Variants in IL18R1 observed in about 807,000 individuals in gnomAD.
IL18R1 encodes interleukin 18 receptor 1, also known as interleukin-18 receptor 1.
IL18R1 carries 40 observed loss-of-function variants against 48.5 expected under a neutral mutation model. The ratio of observed to expected loss-of-function variants is 0.82; its 90% CI spans 0.64 to 1.07. The LOEUF is 1.07. Among genes scored for constraint, IL18R1 ranks in the 50% least tolerant of loss-of-function variants. IL18R1 has a pLI of 0.00. For synonymous variants in IL18R1, 232 were observed against 225.9 expected, an observed-to-expected ratio of 1.03 and a Z score of -0.24; for missense variants, 596 against 633.7, an observed-to-expected ratio of 0.94 and a Z score of 0.64.
At chr2:102,377,074 C>T (rs1023553869) in intron 5 of IL18R1, among the ~76,000 whole-genome samples, 15 of 152,196 alleles carry the variant, frequency 9.9e-5, no homozygotes, top group African/African-American at 2.2e-4. Context: ...TCCTGAGAAA[C>T]TGGAAACTGT....
intron 10 of IL18R1, 119 bp downstream of exon 10, chr2:102,394,746 G>A: frequency 1.3e-6 from 1 of 781,940 alleles, no homozygotes; most frequent in South Asian, 2.5e-5. Context: ...GGTCCTTTAA[G>A]CAAGAAATAA....
chr2:102,392,254 C>T (rs12712146), intron 9 of IL18R1, among the ~76,000 whole-genome samples: 81,110 of 151,824 alleles, frequency 0.53, 23,498 homozygotes, highest in African/African-American at 0.73. Context: ...TGTGCATGTG[C>T]GAGTTTGCTA....
intron 7 of IL18R1, among the ~76,000 whole-genome samples, 174 bp downstream of exon 7, chr2:102,385,172 T>C (rs929906738): frequency 1.3e-5 from 2 of 152,170 alleles, no homozygotes; most frequent in Non-Finnish European, 2.9e-5. Context: ...GTGGACGCAT[T>C]ATGCAGAAAT....
At chr2:102,388,544 G>A (rs879436357) in intron 8 of IL18R1, among the ~76,000 whole-genome samples, 2 of 152,078 alleles carry the variant, frequency 1.3e-5, no homozygotes, top group East Asian at 3.9e-4. Flanking sequence ...GGCTTTCCTG[G>A]GGCCTGCTCA....
Position 102,390,059 on chromosome 2 carries a change from A to T in IL18R1, c.953A>T (p.Asp318Val). 2 of 1,613,932 alleles carry T rather than the reference A, an allele frequency of 1.2e-6. No individual in the cohort carries two copies. Among genetic ancestry groups the T allele is most frequent in the Non-Finnish European group, 8.5e-7 (1 of 1,179,928 alleles). The change falls in exon 9 of 11, where the codon GAC becomes GTC. Residue 318 changes from aspartate (D) to valine (V), a missense_variant. Asp to Val is a radical substitution (Grantham distance 152). Transcript: ENST00000233957. ...CCTTTTTCCCTTTCTTTTCTAGCAG[A>T]CATGGCTGATATCCCAGGCCACGTC... is the stretch of plus-strand genomic sequence containing the variant. ...TKSFILVRKA[D>V]MADIPGHVFT...
At position 102,371,949 on chromosome 2, in the gene IL18R1, A is replaced by G. The variant is rs540194919; in HGVS notation, c.303-4A>G. ...TAAAATACCTTTACACTTTTATTCC[A>G]TAGAAATTATACTCAGAAATGGAAA... is the stretch of plus-strand genomic sequence containing the variant. On this transcript the variant is annotated splice_region_variant and splice_polypyrimidine_tract_variant and intron_variant, in intron 3 of 10. Coordinates refer to ENST00000233957, the MANE Select transcript of IL18R1 (RefSeq NM_003855.5). The G allele has an allele frequency of 3.2e-5, 48 of 1,498,152 alleles. No homozygotes were observed. The highest frequency in any genetic ancestry group is 4.6e-5 in the East Asian group (2 of 43,658). The allele number at this position is 1,498,152 out of a possible 1,614,324, so 92.8% of individuals were successfully genotyped here. A position where few individuals can be genotyped will look rare whatever the true frequency, so the allele number is the denominator to read the frequency against.
intron 6 of IL18R1, among the ~76,000 whole-genome samples, chr2:102,383,844 G>A (rs1052460263): frequency 2.6e-5 from 4 of 152,030 alleles, no homozygotes; most frequent in Non-Finnish European, 4.4e-5. Flanking sequence ...TGTTGAAAAT[G>A]ACCATATTTC....
Position 102,384,864 on chromosome 2 carries a change from C to G in IL18R1, c.689-14C>G. Reference sequence around the variant, plus strand: ...GTTTCAAAAATCAGAACTTTAGTTGCCAACTTTTACCAGGAAAAAACGTAA... The same window carrying G: ...GTTTCAAAAATCAGAACTTTAGTTGGCAACTTTTACCAGGAAAAAACGTAA... On this transcript the variant is annotated splice_polypyrimidine_tract_variant and intron_variant, in intron 6 of 10. Coordinates refer to ENST00000233957, the MANE Select transcript of IL18R1 (RefSeq NM_003855.5). 3 of 1,604,696 alleles carry G rather than the reference C, an allele frequency of 1.9e-6. No homozygotes were observed. The highest frequency in any genetic ancestry group is 2.6e-6 in the Non-Finnish European group (3 of 1,176,356).
chr2:102,363,601 T>C (rs1373396792), intron 2 of IL18R1, among the ~76,000 whole-genome samples: 2 of 152,176 alleles, frequency 1.3e-5, no homozygotes, highest in African/African-American at 4.8e-5. Context: ...GAGTTCCATG[T>C]CCTGTGGACA....
intron 9 of IL18R1, among the ~76,000 whole-genome samples, chr2:102,391,306 C>T (rs774961395): frequency 9.9e-5 from 15 of 152,056 alleles, no homozygotes; most frequent in Admixed American, 4.6e-4. Context: ...AATATCAATA[C>T]AGATTCTTAT....
intron 4 of IL18R1, among the ~76,000 whole-genome samples, chr2:102,374,642 G>A (rs549409641): frequency 6.6e-6 from 1 of 152,198 alleles, no homozygotes; most frequent in East Asian, 1.9e-4. Flanking sequence ...GCTGGGTGTG[G>A]TGGCACATGC....
intron 1 of IL18R1, among the ~76,000 whole-genome samples, chr2:102,360,349 C>T (rs928649781): frequency 2.5e-4 from 38 of 152,022 alleles, no homozygotes; most frequent in African/African-American, 7.5e-4. Flanking sequence ...CTGCAAGCTC[C>T]GCCTCCCGGA....
rs140811776 is a variant in IL18R1, at chr2:102,383,391, T to C, written c.689-1487T>C. On this transcript the variant is annotated intron_variant, in intron 6 of 10. Transcript: ENST00000233957. Reference sequence around the variant, plus strand: ...TGTGTTGCTGAAAGAGATGTGAATATCTCCAGCTATTATGGTCAATGTGTC... The same window carrying C: ...TGTGTTGCTGAAAGAGATGTGAATACCTCCAGCTATTATGGTCAATGTGTC... 7.0e-4 allele frequency among the ~76,000 whole-genome samples: 107 copies of C among 152,370 alleles called. No individual in the cohort carries two copies. In the East Asian group the frequency reaches 7.1e-3, roughly 10 times the overall value.
intron 4 of IL18R1, among the ~76,000 whole-genome samples, chr2:102,374,928 C>T (rs1045947449): frequency 1.3e-5 from 2 of 152,186 alleles, no homozygotes; most frequent in Non-Finnish European, 2.9e-5. Context: ...GAGGCTAATT[C>T]AGTAGATAAT....
chr2:102,373,891 A>G, intron 4 of IL18R1: 1 of 413,690 alleles, frequency 2.4e-6, no homozygotes, highest in Non-Finnish European at 4.8e-6. Flanking sequence ...GCTCCTTATG[A>G]GAATCTAATG....
Position 102,393,568 on chromosome 2 carries a change from T to A in IL18R1, c.1112-901T>A, listed in dbSNP as rs75811108. Among the ~76,000 whole-genome samples the A allele has an allele frequency of 2.4e-3, 362 of 152,280 alleles. 3 individuals carry two copies. The highest frequency in any genetic ancestry group is 8.4e-3 in the African/African-American group (349 of 41,558). ...GATGTGGCACCATAAGAGACATAGA[T>A]CTAGAATGGTTTTATCCTATTAGAT... On this transcript the variant is annotated intron_variant, in intron 9 of 10. Transcript: ENST00000233957.
intron 4 of IL18R1, 57 bp from the exon 5 acceptor site, chr2:102,375,850 C>A: frequency 8.0e-7 from 1 of 1,251,792 alleles, no homozygotes; most frequent in Non-Finnish European, 1.1e-6. Context: ...ATTTGGATCA[C>A]TGTAATATCA....
At chr2:102,394,724 A>G (rs1037415185) in intron 10 of IL18R1, 97 bp downstream of exon 10, 29 of 1,071,058 alleles carry the variant, frequency 2.7e-5, no homozygotes, top group Non-Finnish European at 3.3e-5. Context: ...TTCCTTAAAA[A>G]CAAATGAATA....
chr2:102,388,266 T>C (rs191347054), intron 8 of IL18R1, among the ~76,000 whole-genome samples: 1 of 152,202 alleles, frequency 6.6e-6, no homozygotes, highest in Admixed American at 6.5e-5. Flanking sequence ...CCATACATGT[T>C]AATTACATGA....
Sources: gnomAD v4.1 joint callset for allele counts (sites outside exome capture counted in the v4.1 genomes callset) on GRCh38, gnomAD v4.1.1 for gene constraint, MANE v1.5 for transcripts, NCBI Gene and HGNC (gene_info 2026-07-23, HGNC 2026-07-21) for gene names.